DICER1: variants seen among roughly 807,000 people sequenced by gnomAD.
DICER1 encodes dicer 1, ribonuclease III.
Under a neutral mutation model 194.1 loss-of-function variants are expected in DICER1, and 43 were observed. The ratio of observed to expected loss-of-function variants is 0.22; its 90% CI spans 0.17 to 0.29. The LOEUF (loss-of-function observed/expected upper bound fraction) is 0.29. Ranked by LOEUF, DICER1 falls within the 10% of genes least tolerant of loss-of-function variation. The probability of loss-of-function intolerance (pLI) is 1.00; values close to 1 mark genes in which losing one functional copy is unlikely to be tolerated. For synonymous variants in DICER1, 832 were observed against 820.5 expected (o/e 1.01, Z -0.24); for missense variants, 1,608 against 2,317.0 (o/e 0.69, Z 6.28).
chr14:95,102,889 T>G (rs960574055), intron 21 of DICER1, among the ~76,000 whole-genome samples: 5 of 152,148 alleles, frequency 3.3e-5, no homozygotes, highest in African/African-American at 1.2e-4. Context: ...TCCAAAACTT[T>G]GGAGATGAGC....
chr14:95,138,585 C>G (rs1430233634), intron 1 of DICER1, among the ~76,000 whole-genome samples: 1 of 152,050 alleles, frequency 6.6e-6, no homozygotes, highest in Non-Finnish European at 1.5e-5. Flanking sequence ...AAGCAAAGCA[C>G]TACACTCTGT....
In DICER1 at chr14:95,130,080, T is replaced by C; in HGVS notation, c.551A>G (p.His184Arg). ...TACCTTCATAATTTCTCGATAGGGG[T>C]GGTCTAGGATTGCAAGATGACACTC... The part of the protein sequence containing the change: ...FDECHLAILD[H>R]PYREIMKLCE... The change falls in exon 5 of 27, where the codon CAC becomes CGC. Residue 184 changes from histidine (H) to arginine (R), a missense_variant. His to Arg is a conservative substitution (Grantham distance 29). This residue lies in a region of DICER1 where 657 missense variants were observed against 910.1 expected (regional missense o/e 0.72). Transcript: ENST00000343455. 6.2e-7 allele frequency: 1 copy of C among 1,613,460 alleles called. No individual in the cohort carries two copies. The highest frequency in any genetic ancestry group is 1.1e-5 in the South Asian group (1 of 91,052).
chr14:95,112,179 G>A lies in DICER1; in HGVS notation c.2109C>T (p.His703=), dbSNP rs1178303135. 3 of 1,613,078 alleles carry A rather than the reference G, an allele frequency of 1.9e-6. No homozygotes were observed. Among genetic ancestry groups the A allele is most frequent in the Non-Finnish European group, 2.5e-6 (3 of 1,179,408 alleles). Residue 703 remains histidine, a synonymous_variant, in exon 13 of 27, where the codon CAC becomes CAT. Coordinates refer to ENST00000343455, the MANE Select transcript of DICER1 (RefSeq NM_177438.3). ...CTTTTCAAACATCCTTACCAATTTT[G>A]TGCAGTTTCTCACAGCAAATGAGAG... ...VVALICCEKL[H]KIGELDDHLM... is the part of the protein sequence containing the mutation.
At chr14:95,128,908 C>T (rs1566809663) in intron 6 of DICER1, among the ~76,000 whole-genome samples, 1 of 152,262 alleles carries the variant, frequency 6.6e-6, no homozygotes, top group East Asian at 1.9e-4. Flanking sequence ...TTTGTAAAGG[C>T]TCCCTTCCAC....
intron 22 of DICER1, among the ~76,000 whole-genome samples, chr14:95,097,526 A>C (rs1459027913): frequency 6.6e-6 from 1 of 152,232 alleles, no homozygotes; most frequent in African/African-American, 2.4e-5. Flanking sequence ...GCAAAAGCTT[A>C]TTTGTGAGTG....
rs1380622608 is a variant in DICER1, at chr14:95,129,477, T to C, written c.729A>G (p.Leu243=). The part of the protein sequence containing the change: ...NAETATDLVV[L]DRYTSQPCEI... Reference sequence around the variant, plus strand: ...AGTCAATCAGAAGTGCATACCTGTCTAAGACCACCAGGTCAGTTGCAGTTT... The same window carrying C: ...AGTCAATCAGAAGTGCATACCTGTCCAAGACCACCAGGTCAGTTGCAGTTT... Residue 243 remains leucine (L), a synonymous_variant, in exon 6 of 27, where the codon TTA becomes TTG. Coordinates refer to ENST00000343455, the MANE Select transcript of DICER1 (RefSeq NM_177438.3). 5.0e-6 allele frequency: 8 copies of C among 1,613,494 alleles called. No individual in the cohort carries two copies. The highest frequency in any genetic ancestry group is 6.8e-6 in the Non-Finnish European group (8 of 1,179,630).
chr14:95,108,298 A>G (rs200195068), intron 15 of DICER1, 26 bp downstream of exon 15: 9 of 1,607,694 alleles, frequency 5.6e-6, no homozygotes, highest in South Asian at 1.1e-5. Context: ...CGTTTTTGAC[A>G]TAAGTACTCA....
chr14:95,103,253 T>C lies in DICER1; in HGVS notation c.4050+93A>G, dbSNP rs1891052517. On this transcript the variant is annotated intron_variant, in intron 21 of 26. Transcript: ENST00000343455. The stretch of plus-strand genomic sequence containing the variant: ...CCGGTGTAGCAATTTCTGAGCATGA[T>C]ACGTTCTCATCCTCTGAGATTATCC... The C allele has an allele frequency of 8.9e-6, 12 of 1,351,196 alleles. No homozygotes were observed. The Admixed American group carries it at 1.5e-4, about 17-fold the overall frequency. 83.7% of individuals were successfully genotyped at this position (1,351,196 alleles called of 1,614,324 possible). A position where few individuals can be genotyped will look rare whatever the true frequency, so the allele number is the denominator to read the frequency against.
In DICER1 at chr14:95,090,544, G is replaced by T; in HGVS notation, c.5723C>A (p.Ala1908Asp). The change falls in exon 27 of 27, where the codon GCC (alanine) becomes GAC (aspartate). Residue 1908 changes from alanine (A) to aspartate (D), a missense_variant. Transcript: ENST00000343455. Reference sequence around the variant, plus strand: ...TTGATTAGCTTTGAGGCTTCGGAGGGCTCTTCTTGCTGCTGCAGATTTGGC... The same window carrying T: ...TTGATTAGCTTTGAGGCTTCGGAGGTCTCTTCTTGCTGCTGCAGATTTGGC... The part of the protein sequence containing the change: ...RIAKSAAARR[A>D]LRSLKANQPQ... 1 of 1,614,074 alleles carries T rather than the reference G, an allele frequency of 6.2e-7. No homozygotes were observed. Among genetic ancestry groups the T allele is most frequent in the Non-Finnish European group, 8.5e-7 (1 of 1,180,020 alleles).
At position 95,126,561 on chromosome 14, in the gene DICER1, C is replaced by T; in HGVS notation, c.903+19G>A. Reference sequence around the variant, plus strand: ...AGCTTTCAAAATATAATCACTATACCTACTTGGTATATGCTTACCTGTTTC... The same window carrying T: ...AGCTTTCAAAATATAATCACTATACTTACTTGGTATATGCTTACCTGTTTC... On this transcript the variant is annotated intron_variant, in intron 7 of 26. Transcript: ENST00000343455. 1 of 1,416,198 alleles carries T rather than the reference C, an allele frequency of 7.1e-7. No homozygotes were observed. The highest frequency in any genetic ancestry group is 1.0e-6 in the Non-Finnish European group (1 of 1,004,210). 87.7% of individuals were successfully genotyped at this position (1,416,198 alleles called of 1,614,324 possible).
At position 95,087,847 on chromosome 14, in the gene DICER1, TAC is replaced by T. The variant is rs1889462995; in HGVS notation, c.*2649_*2650del. Reference sequence around the variant, plus strand: ...CACCCCACTGGTAGGTTTTCCATATTACATTCGGTCTCACATTGCAATCACAG... The same window carrying T: ...CACCCCACTGGTAGGTTTTCCATATTATTCGGTCTCACATTGCAATCACAG... On this transcript the variant is annotated 3_prime_UTR_variant, in exon 27 of 27. Transcript: ENST00000343455. 3 of 233,114 alleles carry T rather than the reference TAC, an allele frequency of 1.3e-5. No homozygotes were observed. The South Asian group carries it at 5.4e-4, about 42-fold the overall frequency. The allele number at this position is 233,114 out of a possible 1,614,324, so 14.4% of individuals were successfully genotyped here. A position where few individuals can be genotyped will look rare whatever the true frequency, so the allele number is the denominator to read the frequency against.
In DICER1 at chr14:95,105,298, G is replaced by T. The variant is rs763679229; in HGVS notation, c.3094-52C>A. On this transcript the variant is annotated intron_variant, in intron 19 of 26. Coordinates refer to ENST00000343455, the MANE Select transcript of DICER1 (RefSeq NM_177438.3). The surrounding 1 kb of genome is among the most constrained non-coding windows in gnomAD (Gnocchi z 4.9). The stretch of plus-strand genomic sequence containing the variant: ...ATAAATACAAAGCGCACACACAAAA[G>T]AAAAAAAAAAAGACCAATTTCACTA... 4.5e-6 allele frequency: 5 copies of T among 1,111,228 alleles called. No homozygotes were observed. The Admixed American group carries it at 7.4e-5, about 16-fold the overall frequency. 68.8% of individuals were successfully genotyped at this position (1,111,228 alleles called of 1,614,324 possible). A position where few individuals can be genotyped will look rare whatever the true frequency, so the allele number is the denominator to read the frequency against.
At chr14:95,153,448 T>C (rs1292152321) in intron 1 of DICER1, among the ~76,000 whole-genome samples, 4 of 152,238 alleles carry the variant, frequency 2.6e-5, no homozygotes, top group African/African-American at 9.7e-5. Context: ...TTTTATCCAG[T>C]TTCTCTAAAA....
chr14:95,101,827 G>A (rs1890905177), intron 21 of DICER1, among the ~76,000 whole-genome samples: 1 of 152,178 alleles, frequency 6.6e-6, no homozygotes, highest in African/African-American at 2.4e-5. Context: ...CAGAGGCTTA[G>A]AGAAGAGTGA....
intron 1 of DICER1, among the ~76,000 whole-genome samples, chr14:95,156,352 G>T (rs1441920066): frequency 6.6e-6 from 1 of 152,156 alleles, no homozygotes; most frequent in Non-Finnish European, 1.5e-5. Flanking sequence ...CTTACTTATC[G>T]TGTAGACCAG....
Position 95,126,518 on chromosome 14 carries a change from A to C in DICER1, c.903+62T>G, listed in dbSNP as rs1893471561. 4 of 1,092,716 alleles carry C rather than the reference A, an allele frequency of 3.7e-6. No individual in the cohort carries two copies. In the East Asian group the frequency reaches 9.5e-5, roughly 26 times the overall value. The allele number at this position is 1,092,716 out of a possible 1,614,324, so 67.7% of individuals were successfully genotyped here. On this transcript the variant is annotated intron_variant, in intron 7 of 26. Transcript: ENST00000343455. Reference sequence around the variant, plus strand: ...GCCGCATTAAGCATATTTTCATTTCAATATTAAAAATTAACAAAGCTTTCA... The same window carrying C: ...GCCGCATTAAGCATATTTTCATTTCCATATTAAAAATTAACAAAGCTTTCA...
chr14:95,132,638 C>T lies in DICER1; in HGVS notation c.184G>A (p.Val62Ile), dbSNP rs746671039. The change falls in exon 3 of 27, where the codon GTC (valine) becomes ATC (isoleucine). Residue 62 changes from valine to isoleucine, a missense_variant. By Grantham distance (29) the Val-to-Ile change is conservative (BLOSUM62 3). Coordinates refer to ENST00000343455, the MANE Select transcript of DICER1 (RefSeq NM_177438.3). ...TTCCCTGAGCCAGTGTTTAAACAGACGATGGTATTATGATCCAGAGCTGCT... is the reference window on the plus strand; with the variant it reads ...TTCCCTGAGCCAGTGTTTAAACAGATGATGGTATTATGATCCAGAGCTGCT... The part of the protein sequence containing the change: ...LEAALDHNTI[V>I]CLNTGSGKTF... 43 of 1,613,744 alleles carry T rather than the reference C, an allele frequency of 2.7e-5. No homozygotes were observed. Among genetic ancestry groups the T allele is most frequent in the African/African-American group, 5.3e-5 (4 of 74,886 alleles).
intron 1 of DICER1, among the ~76,000 whole-genome samples, chr14:95,155,815 T>G (rs1895818288): frequency 1.3e-5 from 2 of 152,164 alleles, no homozygotes; most frequent in African/African-American, 4.8e-5. Flanking sequence ...TTTAGTTTTT[T>G]GTTTTTTTAT....
In DICER1 at chr14:95,107,935, T is replaced by C. The variant is rs1401152666; in HGVS notation, c.2595A>G (p.Leu865=). The change falls in exon 16 of 27, where the codon CTA becomes CTG. Residue 865 remains leucine (L), a synonymous_variant. Transcript: ENST00000343455. ...AATCAGCGTCTGTAGGTTTAAATTC[T>C]AGTGCAGGTTTTTCAAGCCGAAGAA... is the stretch of plus-strand genomic sequence containing the variant. ...SHILRLEKPA[L]EFKPTDADSA... 6.2e-7 allele frequency: 1 copy of C among 1,614,104 alleles called. No homozygotes were observed. The highest frequency in any genetic ancestry group is 8.5e-7 in the Non-Finnish European group (1 of 1,179,992).
Sources: allele counts gnomAD v4.1 joint callset (sites outside exome capture counted in the v4.1 genomes callset), GRCh38; gene constraint gnomAD v4.1.1; regional missense constraint gnomAD v4.1.1; non-coding constraint Gnocchi (gnomAD v3.1); transcripts MANE v1.5; gene names NCBI Gene and HGNC (gene_info 2026-07-23, HGNC 2026-07-21).